Variants in ACACA observed in about 807,000 individuals in gnomAD.
ACACA encodes acetyl-CoA carboxylase 1.
In ACACA, 103 loss-of-function variants were observed where a neutral mutation model predicts 296.1. The observed-to-expected ratio is 0.35, with a 90% CI of 0.30 to 0.41. The LOEUF is 0.41. ACACA is among the 10% of genes least tolerant of loss of function. The pLI, the probability that ACACA is intolerant of heterozygous loss-of-function variation, is 1.00. For synonymous variants in ACACA, 953 were observed against 1,038.6 expected (o/e 0.92, Z 1.58); for missense variants, 1,554 against 2,989.7 (o/e 0.52, Z 11.20).
chr17:37,158,445 C>T (rs765260767), intron 42 of ACACA, among the ~76,000 whole-genome samples: 5 of 152,024 alleles, frequency 3.3e-5, no homozygotes, highest in Admixed American at 6.5e-5. Context: ...GCCTGGGCAA[C>T]GTGGGGAAAC....
In ACACA at chr17:37,252,245, T is replaced by G. The variant is rs919589977; in HGVS notation, c.1978-137A>C. 4 of 741,316 alleles carry G rather than the reference T, an allele frequency of 5.4e-6. No individual in the cohort carries two copies. In the East Asian group the frequency reaches 8.0e-5, roughly 15 times the overall value. The allele number at this position is 741,316 out of a possible 1,614,324, so 45.9% of individuals were successfully genotyped here. On this transcript the variant is annotated intron_variant, in intron 15 of 55. Transcript: ENST00000616317. Reference sequence around the variant, plus strand: ...TCCATTCTCACTGCCCAACTGATTTTTTAGATAAAAATGAACACATTCACT... The same window carrying G: ...TCCATTCTCACTGCCCAACTGATTTGTTAGATAAAAATGAACACATTCACT...
rs893376311 is a variant in ACACA, at chr17:37,113,803, A to G, written c.6275-538T>C. 6.6e-6 allele frequency among the ~76,000 whole-genome samples: 1 copy of G among 152,230 alleles called. No homozygotes were observed. Among genetic ancestry groups the G allele is most frequent in the Non-Finnish European group, 1.5e-5 (1 of 68,034 alleles). The stretch of plus-strand genomic sequence containing the variant: ...CGATATCCCTGCCCAGTGCCTGAAC[A>G]TAGTTAGTGCTCAACAAATATCTGC... On this transcript the variant is annotated intron_variant, in intron 50 of 55. Transcript: ENST00000616317. This position sits in a 1 kb window ranked among gnomAD's most constrained non-coding sequence, Gnocchi z 4.0.
chr17:37,242,350 C>T (rs1404360345), intron 22 of ACACA, among the ~76,000 whole-genome samples: 2 of 152,182 alleles, frequency 1.3e-5, no homozygotes, highest in Non-Finnish European at 2.9e-5. Flanking sequence ...CCCCACTTAT[C>T]TACCTATATT....
intron 9 of ACACA, among the ~76,000 whole-genome samples, chr17:37,271,345 G>A (rs931587889): frequency 5.3e-5 from 8 of 151,484 alleles, no homozygotes; most frequent in Non-Finnish European, 1.0e-4. Flanking sequence ...GAGAAACCCC[G>A]TCTCTACTAA....
At chr17:37,325,937 G>A (rs923158347) in intron 3 of ACACA, among the ~76,000 whole-genome samples, 1 of 151,860 alleles carries the variant, frequency 6.6e-6, no homozygotes, top group Non-Finnish European at 1.5e-5. Flanking sequence ...GCTGGGCATG[G>A]TGGCTCACAC....
At chr17:37,199,877 A>C (rs1158493902) in intron 35 of ACACA, among the ~76,000 whole-genome samples, 1 of 152,046 alleles carries the variant, frequency 6.6e-6, no homozygotes. Context: ...TAAGAATTAA[A>C]AAAAATTTTT....
chr17:37,142,274 T>C (rs1240552897), intron 45 of ACACA, among the ~76,000 whole-genome samples: 4 of 152,162 alleles, frequency 2.6e-5, no homozygotes, highest in African/African-American at 4.8e-5. Context: ...GATTCCACCC[T>C]GCAAGATCTC....
At chr17:37,283,497 T>A (rs2082639142) in intron 4 of ACACA, 92 bp from the exon 5 acceptor site, 2 of 1,456,660 alleles carry the variant, frequency 1.4e-6, no homozygotes, top group Non-Finnish European at 1.9e-6. Flanking sequence ...CATATCTATC[T>A]TTCTGTGTAA....
chr17:37,139,795 G>T (rs1236662693), intron 45 of ACACA, among the ~76,000 whole-genome samples: 1 of 152,106 alleles, frequency 6.6e-6, no homozygotes, highest in Non-Finnish European at 1.5e-5. Context: ...TTTTTAACTG[G>T]CAAAGTTATT....
chr17:37,386,929 C>G (rs1007688628), intron 1 of ACACA: 6 of 152,008 alleles, frequency 3.9e-5, no homozygotes, highest in Non-Finnish European at 7.3e-5. Flanking sequence ...GTGATCCCCC[C>G]ACCTCAGCCT....
At chr17:37,154,388 G>T (rs2076157449) in intron 43 of ACACA, among the ~76,000 whole-genome samples, 1 of 152,078 alleles carries the variant, frequency 6.6e-6, no homozygotes, top group African/African-American at 2.4e-5. Context: ...GAGAAAATTT[G>T]CCTCACTAGA....
chr17:37,207,668 T>C lies in ACACA; in HGVS notation c.3840A>G (p.Glu1280=), dbSNP rs775955553. Residue 1280 remains glutamate, a synonymous_variant, in exon 31 of 56, where the codon GAA becomes GAG. Transcript: ENST00000616317. Reference sequence around the variant, plus strand: ...CCACAATGTCTTACCTGACAAAATCTTCAAAAGTCCGAAAAGAGACCATTC... The same window carrying C: ...CCACAATGTCTTACCTGACAAAATCCTCAAAAGTCCGAAAAGAGACCATTC... ...MGGMVSFRTF[E]DFVRIFDEVM... 16 of 1,613,954 alleles carry C rather than the reference T, an allele frequency of 9.9e-6. No homozygotes were observed. In the South Asian group the frequency reaches 1.8e-4, roughly 18 times the overall value.
intron 23 of ACACA, among the ~76,000 whole-genome samples, chr17:37,241,341 G>A (rs2080393304): frequency 6.6e-6 from 1 of 152,144 alleles, no homozygotes. Context: ...ACTGGGCCCT[G>A]TGACAGAAGA....
At chr17:37,134,384 A>G (rs184457392) in intron 45 of ACACA, among the ~76,000 whole-genome samples, 1 of 152,356 alleles carries the variant, frequency 6.6e-6, no homozygotes, top group East Asian at 1.9e-4. Context: ...AAATGAAATC[A>G]CTATGTAATA....
At chr17:37,248,772 G>C in intron 16 of ACACA, 98 bp from the exon 17 acceptor site, 1 of 866,012 alleles carries the variant, frequency 1.2e-6, no homozygotes, top group Non-Finnish European at 1.9e-6. Flanking sequence ...AATAACAAAA[G>C]ACTAGAAACA....
chr17:37,349,057 TTTATTA>T (rs995252258), intron 1 of ACACA, among the ~76,000 whole-genome samples: 35 of 150,218 alleles, frequency 2.3e-4, no homozygotes, highest in Middle Eastern at 3.4e-3. Flanking sequence ...TTCTTTATTA[TTTATTA>T]TTATTATTAT....
At chr17:37,296,498 G>C (rs1365500509) in intron 3 of ACACA, among the ~76,000 whole-genome samples, 1 of 151,352 alleles carries the variant, frequency 6.6e-6, no homozygotes, top group Non-Finnish European at 1.5e-5. Context: ...GTAGAGATGG[G>C]GTTTCACCAT....
intron 1 of ACACA, among the ~76,000 whole-genome samples, chr17:37,390,175 T>TATATACAC (rs60788220): frequency 0.013 from 571 of 44,350 alleles, 19 homozygotes; most frequent in Admixed American, 0.015. Context: ...TATATATATA[T>TATATACAC]ACACACACAC....
chr17:37,185,967 A>G (rs2077515877), intron 39 of ACACA, among the ~76,000 whole-genome samples: 2 of 152,228 alleles, frequency 1.3e-5, no homozygotes, highest in Admixed American at 6.5e-5. Context: ...GCCTGACATC[A>G]GTGTTCATTA....
Sources: gnomAD v4.1 joint callset for allele counts (sites outside exome capture counted in the v4.1 genomes callset) on GRCh38, gnomAD v4.1.1 for gene constraint, Gnocchi (gnomAD v3.1) non-coding constraint, MANE v1.5 for transcripts, NCBI Gene and HGNC (gene_info 2026-07-23, HGNC 2026-07-21) for gene names.